XCR1: variants seen among roughly 807,000 people sequenced by gnomAD.
XCR1 encodes chemokine XC receptor 1.
For missense variants in XCR1, 356 were observed against 424.2 expected, an observed-to-expected ratio of 0.84 and a Z score of 1.41; for synonymous variants, 187 against 188.5, an observed-to-expected ratio of 0.99 and a Z score of 0.06.
chr3:46,072,708 A>G (rs72889740), intron 3 of XCR1, among the ~76,000 whole-genome samples: 2,225 of 152,318 alleles, frequency 0.015, 55 homozygotes, highest in African/African-American at 0.049. Context: ...AAATCTACAG[A>G]TTCAATGCAA....
upstream of XCR1, among the ~76,000 whole-genome samples, chr3:46,029,386 G>C (rs539277669): frequency 6.6e-6 from 1 of 151,996 alleles, no homozygotes; most frequent in African/African-American, 2.4e-5. Flanking sequence ...ATAGAGACAG[G>C]GTTTTACCAT....
chr3:46,020,858 C>G lies in XCR1; in HGVS notation c.*88G>C, dbSNP rs1708124972. 6.7e-6 allele frequency: 10 copies of G among 1,498,634 alleles called. No homozygotes were observed. The highest frequency in any genetic ancestry group is 8.0e-6 in the Non-Finnish European group (9 of 1,124,202). The allele number at this position is 1,498,634 out of a possible 1,614,324, so 92.8% of individuals were successfully genotyped here. A position where few individuals can be genotyped will look rare whatever the true frequency, so the allele number is the denominator to read the frequency against. On this transcript the variant is annotated 3_prime_UTR_variant, in exon 2 of 2. Transcript: ENST00000309285. ...GGAGACGTCTCCACCCTGCTGTGTT[C>G]TGCAATGCTCCTTCCAGGCCCGCTT...
chr3:46,038,379 A>G (rs13087776), intron 5 of XCR1, among the ~76,000 whole-genome samples: 33,670 of 151,936 alleles, frequency 0.22, 5,128 homozygotes, highest in African/African-American at 0.42. Context: ...TGAGTAGGAT[A>G]AAAATTTGGG....
At chr3:46,058,981 A>G (rs1697910127) in intron 4 of XCR1, among the ~76,000 whole-genome samples, 1 of 152,168 alleles carries the variant, frequency 6.6e-6, no homozygotes, top group Middle Eastern at 3.2e-3. Flanking sequence ...ATCCCTAAAT[A>G]TTGTTGAGTC....
chr3:46,071,059 T>A (rs1331452030), intron 3 of XCR1, among the ~76,000 whole-genome samples: 1 of 152,076 alleles, frequency 6.6e-6, no homozygotes, highest in Admixed American at 6.5e-5. Flanking sequence ...GAGATCCAAA[T>A]AAACATACTC....
intron 3 of XCR1, among the ~76,000 whole-genome samples, chr3:46,073,585 A>G (rs1698197801): frequency 6.6e-6 from 1 of 151,996 alleles, no homozygotes; most frequent in African/African-American, 2.4e-5. Context: ...TGAGATTCTT[A>G]AACAAAAAAC....
chr3:46,046,226 T>C (rs142855140), intron 5 of XCR1, among the ~76,000 whole-genome samples: 11 of 151,658 alleles, frequency 7.3e-5, no homozygotes, highest in African/African-American at 2.7e-4. Flanking sequence ...GATGAAAGAG[T>C]ATATTTGGAA....
chr3:46,047,365 T>C lies in XCR1; in HGVS notation c.-32+6555A>G, dbSNP rs371153690. 1.1e-4 allele frequency among the ~76,000 whole-genome samples: 17 copies of C among 152,284 alleles called. No homozygotes were observed. In the East Asian group the frequency reaches 2.7e-3, roughly 24 times the overall value. ...AGCCAAGGGATGCAACCTAAAATCA[T>C]CAAAGTAGAGATACTACGTGTTTGC... On this transcript the variant is annotated intron_variant, in intron 5 of 5. Coordinates refer to the XCR1 transcript ENST00000683768.
chr3:46,078,409 C>T (rs1698298374), intron 1 of XCR1, among the ~76,000 whole-genome samples: 1 of 152,102 alleles, frequency 6.6e-6, no homozygotes, highest in Admixed American at 6.5e-5. Context: ...GAGATCTGGG[C>T]CTTTCCCATT....
At chr3:46,061,812 C>A (rs1443585159) in intron 4 of XCR1, among the ~76,000 whole-genome samples, 1 of 152,064 alleles carries the variant, frequency 6.6e-6, no homozygotes, top group African/African-American at 2.4e-5. Context: ...GTCTCCTGGG[C>A]ATCTGGGCAT....
intron 4 of XCR1, among the ~76,000 whole-genome samples, chr3:46,054,195 T>C (rs905866069): frequency 3.3e-5 from 5 of 152,126 alleles, no homozygotes; most frequent in Admixed American, 2.6e-4. Flanking sequence ...GCCCTCCATA[T>C]TTATTAGGCA....
chr3:46,057,882 G>GTCTATCTATCTATCTA (rs147836844), intron 4 of XCR1, among the ~76,000 whole-genome samples: 61 of 134,876 alleles, frequency 4.5e-4, no homozygotes, highest in East Asian at 9.0e-4. Context: ...TTATCTGTCT[G>GTCTATCTATCTATCTA]TCTATCTATC....
chr3:46,033,682 A>G (rs1697353256), intron 5 of XCR1, among the ~76,000 whole-genome samples: 2 of 152,184 alleles, frequency 1.3e-5, no homozygotes, highest in Admixed American at 1.3e-4. Flanking sequence ...CTTTAGAATC[A>G]GTTTGTTGAT....
rs1409882446 is a variant in XCR1, at chr3:46,023,857, G to A, written c.-31-1879C>T. On this transcript the variant is annotated intron_variant, in intron 1 of 1. Transcript: ENST00000309285. ...GAGACGTGTGGAATTCCTTGTGGCTGAGAATGAAAGATTAAGGAAAGAAAA... is the reference window on the plus strand; with the variant it reads ...GAGACGTGTGGAATTCCTTGTGGCTAAGAATGAAAGATTAAGGAAAGAAAA... 14 of 1,527,978 alleles carry A rather than the reference G, an allele frequency of 9.2e-6. No homozygotes were observed. In the East Asian group the frequency reaches 2.9e-4, roughly 32 times the overall value. The allele number at this position is 1,527,978 out of a possible 1,614,324, so 94.7% of individuals were successfully genotyped here.
At chr3:46,065,077 G>C in intron 4 of XCR1, among the ~76,000 whole-genome samples, 1 of 150,290 alleles carries the variant, frequency 6.7e-6, no homozygotes, top group Admixed American at 6.6e-5. Context: ...GGCAACAAGA[G>C]AAAAACCCTG....
intron 1 of XCR1, 41 bp from the exon 2 acceptor site, chr3:46,022,019 C>T: frequency 6.6e-7 from 1 of 1,521,308 alleles, no homozygotes; most frequent in Non-Finnish European, 8.9e-7. Context: ...CATGTGGTGG[C>T]TGGGTACAGT....
intron 3 of XCR1, among the ~76,000 whole-genome samples, chr3:46,073,388 A>G (rs1275655505): frequency 6.6e-6 from 1 of 152,164 alleles, no homozygotes; most frequent in Non-Finnish European, 1.5e-5. Context: ...TGAGGCCTGG[A>G]GTTCCAGACC....
chr3:46,065,596 C>T (rs139471176), intron 4 of XCR1, among the ~76,000 whole-genome samples: 47 of 152,312 alleles, frequency 3.1e-4, no homozygotes, highest in African/African-American at 1.1e-3. Context: ...CTCACCCAAC[C>T]ACACACAGCC....
At chr3:46,025,150 A>G (rs1708260087) in intron 1 of XCR1, among the ~76,000 whole-genome samples, 1 of 152,262 alleles carries the variant, frequency 6.6e-6, no homozygotes. Context: ...TAATTAAAGT[A>G]GAAGGAAGGC....
Sources: allele counts gnomAD v4.1 joint callset (sites outside exome capture counted in the v4.1 genomes callset), GRCh38; gene constraint gnomAD v4.1.1; transcripts MANE v1.5; gene names NCBI Gene and HGNC (gene_info 2026-07-23, HGNC 2026-07-21).